The following PTK2 variants were observed in gnomAD, a reference collection of about 807,000 sequenced individuals.
PTK2 encodes the protein focal adhesion kinase 1.
In PTK2, 45 loss-of-function variants were observed where a neutral mutation model predicts 150.1. The observed-to-expected ratio is 0.30, with a 90% CI of 0.24 to 0.38. The LOEUF is 0.38. Among genes scored for constraint, PTK2 ranks in the 10% least tolerant of loss-of-function variants. The pLI, the probability that PTK2 is intolerant of heterozygous loss-of-function variation, is 1.00. For missense variants in PTK2, 919 were observed against 1,307.3 expected (o/e 0.70, Z 4.58); for synonymous variants, 432 against 449.2 (o/e 0.96, Z 0.48).
chr8:140,672,053 GA>G (rs1333910963), intron 29 of PTK2: 2 of 400,188 alleles, frequency 5.0e-6, no homozygotes, highest in Non-Finnish European at 9.9e-6. Flanking sequence ...TTCCAGCTGT[GA>G]AAGATGTTTC....
At chr8:140,839,325 G>A (rs1160333445) in intron 7 of PTK2, among the ~76,000 whole-genome samples, 1 of 152,156 alleles carries the variant, frequency 6.6e-6, no homozygotes, top group Non-Finnish European at 1.5e-5. Flanking sequence ...AAAGCCCCCT[G>A]GAACTCAGCT....
chr8:140,665,086 A>G, intron 30 of PTK2, 89 bp from the exon 35 acceptor site: 2 of 1,198,326 alleles, frequency 1.7e-6, no homozygotes, highest in Non-Finnish European at 1.2e-6. Context: ...TCCTTTCCAC[A>G]AGTTTCAAGG....
chr8:140,660,220 A>C (rs956216214), intron 31 of PTK2, among the ~76,000 whole-genome samples: 2 of 152,176 alleles, frequency 1.3e-5, no homozygotes, highest in African/African-American at 4.8e-5. Flanking sequence ...TCATAATAGA[A>C]CCACAGAATC....
chr8:140,864,063 A>C (rs1418702739), intron 5 of PTK2, among the ~76,000 whole-genome samples: 1 of 152,248 alleles, frequency 6.6e-6, no homozygotes, highest in Non-Finnish European at 1.5e-5. Flanking sequence ...TTAAAGCTCA[A>C]GAAATGATTG....
At chr8:140,920,938 C>A in intron 2 of PTK2, 2 of 1,473,704 alleles carry the variant, frequency 1.4e-6, no homozygotes, top group Non-Finnish European at 8.9e-7. Context: ...AAAGATCAAG[C>A]CAGGAGTCTG....
In PTK2 at chr8:140,735,535, T is replaced by C. The variant is rs558808552; in HGVS notation, c.1826-80A>G. 29 of 1,425,514 alleles carry C rather than the reference T, an allele frequency of 2.0e-5. No individual in the cohort carries two copies. The South Asian group carries it at 3.1e-4, about 15-fold the overall frequency. The allele number at this position is 1,425,514 out of a possible 1,614,324, so 88.3% of individuals were successfully genotyped here. On this transcript the variant is annotated intron_variant, in intron 21 of 31. Transcript: ENST00000522684. ...CCAGGTTCCAGGAACATTGTTCTTCTAGGCACTCGAGTACCAGCTGGGAGG... is the reference window on the plus strand; with the variant it reads ...CCAGGTTCCAGGAACATTGTTCTTCCAGGCACTCGAGTACCAGCTGGGAGG...
chr8:140,864,998 A>G (rs2100138436), intron 4 of PTK2, among the ~76,000 whole-genome samples: 1 of 152,204 alleles, frequency 6.6e-6, no homozygotes, highest in East Asian at 1.9e-4. Context: ...ACAGCATGCC[A>G]AAGAGGTTGT....
intron 1 of PTK2, among the ~76,000 whole-genome samples, chr8:140,976,294 T>C (rs570982666): frequency 6.6e-6 from 1 of 152,304 alleles, no homozygotes; most frequent in South Asian, 2.1e-4. Context: ...ACACTTCAAT[T>C]ACTAATGCCT....
chr8:140,704,813 C>A (rs1340921350), intron 24 of PTK2, among the ~76,000 whole-genome samples: 1 of 152,164 alleles, frequency 6.6e-6, no homozygotes, highest in Non-Finnish European at 1.5e-5. Flanking sequence ...GTAATCCAAA[C>A]TGACAAAGGG....
intron 12 of PTK2, among the ~76,000 whole-genome samples, chr8:140,794,591 C>G (rs1431931989): frequency 1.3e-5 from 2 of 152,218 alleles, no homozygotes; most frequent in African/African-American, 4.8e-5. Flanking sequence ...CTTAACACAG[C>G]TAATCACTCT....
At chr8:140,989,034 A>G (rs1225833047) in intron 1 of PTK2, among the ~76,000 whole-genome samples, 1 of 151,936 alleles carries the variant, frequency 6.6e-6, no homozygotes, top group Non-Finnish European at 1.5e-5. Flanking sequence ...ACTATAAAGG[A>G]AAAGACTGAT....
exon 28 of PTK2, chr8:140,675,460 C>G: frequency 6.2e-7 from 1 of 1,612,740 alleles, no homozygotes. Context: ...TCTTCTTTAC[C>G]TGGTTTACCC....
At chr8:140,680,359 C>T (rs1348059994) in intron 27 of PTK2, among the ~76,000 whole-genome samples, 1 of 152,144 alleles carries the variant, frequency 6.6e-6, no homozygotes, top group African/African-American at 2.4e-5. Context: ...TTCTGAGTAG[C>T]TGGGATTACA....
intron 26 of PTK2, among the ~76,000 whole-genome samples, chr8:140,691,062 T>G (rs996818112): frequency 1.3e-5 from 2 of 152,194 alleles, no homozygotes; most frequent in African/African-American, 2.4e-5. Flanking sequence ...TCTTTTATTG[T>G]TGGATATTAG....
At chr8:140,701,212 A>C (rs1352393845) in intron 25 of PTK2, among the ~76,000 whole-genome samples, 190 bp from the exon 29 acceptor site, 1 of 152,248 alleles carries the variant, frequency 6.6e-6, no homozygotes, top group East Asian at 1.9e-4. Context: ...ATCTTTAAAA[A>C]GTATGCAATC....
chr8:140,827,339 T>C (rs1280713350), intron 8 of PTK2, among the ~76,000 whole-genome samples: 1 of 151,954 alleles, frequency 6.6e-6, no homozygotes, highest in Non-Finnish European at 1.5e-5. Flanking sequence ...GAGCCCTCTC[T>C]GGCTATCAGG....
intron 10 of PTK2, among the ~76,000 whole-genome samples, chr8:140,811,916 TAA>T (rs1015021222): frequency 4.6e-5 from 7 of 152,166 alleles, no homozygotes; most frequent in African/African-American, 2.4e-5. Flanking sequence ...CGGGATTATG[TAA>T]AGAGACCAAA....
chr8:140,760,487 A>G (rs1404408104), intron 16 of PTK2, among the ~76,000 whole-genome samples: 1 of 152,226 alleles, frequency 6.6e-6, no homozygotes, highest in Non-Finnish European at 1.5e-5. Flanking sequence ...AAAAATCCAT[A>G]TATTATATGT....
At chr8:140,824,730 C>T (rs1413670319) in intron 8 of PTK2, among the ~76,000 whole-genome samples, 2 of 151,676 alleles carry the variant, frequency 1.3e-5, no homozygotes, top group African/African-American at 4.8e-5. Flanking sequence ...TGTGTAGAAT[C>T]TCTGGATATT....
Sources: gnomAD v4.1 joint callset for allele counts (sites outside exome capture counted in the v4.1 genomes callset) on GRCh38, gnomAD v4.1.1 for gene constraint, MANE v1.5 for transcripts, NCBI Gene and HGNC (gene_info 2026-07-23, HGNC 2026-07-21) for gene names.